POTEE: variants seen among roughly 807,000 people sequenced by gnomAD.
POTEE encodes POTE ankyrin domain family member E.
In POTEE, 21 loss-of-function variants were observed where a neutral mutation model predicts 74.2. That is an observed-to-expected ratio of 0.28 (90% CI 0.20 to 0.41). POTEE has a LOEUF of 0.41. Ranked by LOEUF, POTEE falls within the 10% of genes least tolerant of loss-of-function variation. The pLI, the probability that POTEE is intolerant of heterozygous loss-of-function variation, is 1.00. For synonymous variants in POTEE, 211 were observed against 432.8 expected (o/e 0.49, Z 6.36); for missense variants, 525 against 1,158.6 (o/e 0.45, Z 7.94).
intron 4 of POTEE, among the ~76,000 whole-genome samples, chr2:131,219,759 A>G (rs892710561): frequency 6.6e-6 from 1 of 151,502 alleles, no homozygotes. Flanking sequence ...AAAAGATGGG[A>G]GCTTTTTCTA....
In POTEE at chr2:131,218,803, A is replaced by C. The variant is rs1485625338; in HGVS notation, c.401A>C (p.His134Pro). 6.2e-7 allele frequency: 1 copy of C among 1,612,716 alleles called. No individual in the cohort carries two copies. The highest frequency in any genetic ancestry group is 8.5e-7 in the Non-Finnish European group (1 of 1,179,866). Residue 134 changes from histidine to proline, a missense_variant, in exon 4 of 18, where the codon CAC becomes CCC. Coordinates refer to ENST00000683005, the MANE Select transcript of POTEE (RefSeq NM_001083538.3). ...DDSAFMEPRY[H>P]VRGEDLDKLH... is the part of the protein sequence containing the mutation. ...AGCGCCTTCATGGAGCCCAGGTACCACGTCCGTGGAGAAGATCTGGACAAG... is the reference window on the plus strand; with the variant it reads ...AGCGCCTTCATGGAGCCCAGGTACCCCGTCCGTGGAGAAGATCTGGACAAG...
rs1386149859 is a variant in POTEE, at chr2:131,265,084, T to G, written c.*401T>G. 4.7e-6 allele frequency: 1 copy of G among 214,036 alleles called. No individual in the cohort carries two copies. Among genetic ancestry groups the G allele is most frequent in the Admixed American group, 5.4e-5 (1 of 18,674 alleles). The allele number at this position is 214,036 out of a possible 1,614,324, so 13.3% of individuals were successfully genotyped here. On this transcript the variant is annotated 3_prime_UTR_variant, in exon 18 of 18. Transcript: ENST00000683005. ...TTGTGCAAATTACATAATGCAAAATTTTTTGAATCTTCGCCTTAATACTTT... is the reference window on the plus strand; with the variant it reads ...TTGTGCAAATTACATAATGCAAAATGTTTTGAATCTTCGCCTTAATACTTT...
chr2:131,211,995 C>T (rs545135168), intron 2 of POTEE, among the ~76,000 whole-genome samples: 1 of 152,114 alleles, frequency 6.6e-6, no homozygotes, highest in African/African-American at 2.4e-5. Flanking sequence ...GTATTCTTCT[C>T]ATCTTCTTGT....
At chr2:131,231,048 A>G in intron 9 of POTEE, 142 bp downstream of exon 9, 2 of 664,470 alleles carry the variant, frequency 3.0e-6, no homozygotes, top group Non-Finnish European at 5.2e-6. Context: ...TGTTACATTT[A>G]TTGTGCTACT....
At chr2:131,211,205 C>T (rs1317521927) in intron 2 of POTEE, among the ~76,000 whole-genome samples, 22 bp downstream of exon 2, 1 of 151,892 alleles carries the variant, frequency 6.6e-6, no homozygotes, top group East Asian at 1.9e-4. Flanking sequence ...CCCGCGGGGG[C>T]AAGGTGGTAG....
chr2:131,236,480 T>C (rs889673087), intron 9 of POTEE, among the ~76,000 whole-genome samples: 1 of 152,136 alleles, frequency 6.6e-6, no homozygotes, highest in Admixed American at 6.6e-5. Flanking sequence ...TTCTACTGTA[T>C]TTTAAAGTTG....
At chr2:131,233,186 T>C (rs1483797686) in intron 9 of POTEE, among the ~76,000 whole-genome samples, 1 of 152,106 alleles carries the variant, frequency 6.6e-6, no homozygotes, top group East Asian at 1.9e-4. Flanking sequence ...ATTAAGGCAT[T>C]CTGGTTATGG....
rs370645701 is a variant in POTEE at position 131,263,882 on chromosome 2, C to T, written c.2427C>T (p.Pro809=). 2 of 1,614,202 alleles carry T rather than the reference C, an allele frequency of 1.2e-6. No homozygotes were observed. The highest frequency in any genetic ancestry group is 1.7e-6 in the Non-Finnish European group (2 of 1,180,024). Residue 809 remains proline (P), a synonymous_variant, in exon 18 of 18, where the codon CCC becomes CCT. Coordinates refer to ENST00000683005, the MANE Select transcript of POTEE (RefSeq NM_001083538.3). ...ACCCCATCCTGCTGACCGAGGCCCC[C>T]CTGAACCCCAAGGCCAACCGCGAGA... ...EEHPILLTEA[P]LNPKANREKM...
rs536281355 is a variant in POTEE at position 131,214,192 on chromosome 2, A to G, written c.-189+3009A>G. 6.1e-3 allele frequency among the ~76,000 whole-genome samples: 929 copies of G among 152,312 alleles called. 1 individual carries two copies. The highest frequency in any genetic ancestry group is 0.02 in the African/African-American group (848 of 41,532). The stretch of plus-strand genomic sequence containing the variant: ...TCATGGAACCCCAAGAACTTTAAGC[A>G]GACAGGTCCCTCTCAAAAATCTAAG... On this transcript the variant is annotated intron_variant, in intron 2 of 17. Transcript: ENST00000683005.
At chr2:131,235,850 A>AG (rs1701116855) in intron 9 of POTEE, among the ~76,000 whole-genome samples, 2 of 150,568 alleles carry the variant, frequency 1.3e-5, no homozygotes, top group South Asian at 2.1e-4. Flanking sequence ...AGAATAGTGG[A>AG]GGGAAACATT....
In POTEE at chr2:131,218,760, T is replaced by TGG; in HGVS notation, c.361_362dup (p.Asp122GlufsTer46). On this transcript the variant is annotated frameshift_variant, in exon 4 of 18. Coordinates refer to ENST00000683005, the MANE Select transcript of POTEE (RefSeq NM_001083538.3). LOFTEE classifies it high-confidence loss of function. Reference sequence around the variant, plus strand: ...GAGCGGCAAGAGCAAGGTGGGCGCTTGGGGAGACTACGATGACAGCGCCTT... The same window carrying TGG: ...GAGCGGCAAGAGCAAGGTGGGCGCTTGGGGGGAGACTACGATGACAGCGCCTT... The TGG allele has an allele frequency of 6.2e-7, 1 of 1,612,790 alleles. No homozygotes were observed. Among genetic ancestry groups the TGG allele is most frequent in the South Asian group, 1.1e-5 (1 of 91,000 alleles).
Position 131,236,798 on chromosome 2 carries a change from C to T in POTEE, c.1193C>T (p.Pro398Leu), listed in dbSNP as rs961051206. 1.0e-6 allele frequency: 1 copy of T among 1,004,378 alleles called. No homozygotes were observed. The highest frequency in any genetic ancestry group is 4.7e-5 in the Admixed American group (1 of 21,182). 62.2% of individuals were successfully genotyped at this position (1,004,378 alleles called of 1,614,324 possible). ...TTCAAAGGCAGTGAAAATAGCCAGC[C>T]AGAGGCATGGGAAATTTTAAATTTA... ...QRFKGSENSQ[P>L]EKMSQELEIN... The change falls in exon 10 of 18, where the codon CCA (proline) becomes CTA (leucine). Residue 398 changes from proline to leucine, a missense_variant. Transcript: ENST00000683005.
At chr2:131,262,754 G>T (rs1431142119) in intron 17 of POTEE, among the ~76,000 whole-genome samples, 1 of 152,272 alleles carries the variant, frequency 6.6e-6, no homozygotes, top group African/African-American at 2.4e-5. Context: ...GATGTGTACA[G>T]TGTAGAAGGG....
chr2:131,260,801 C>A, intron 16 of POTEE, among the ~76,000 whole-genome samples: 1 of 64,338 alleles, frequency 1.6e-5, no homozygotes, highest in South Asian at 7.6e-4. Context: ...TTGGGATGCC[C>A]TTTATTTCTC....
At position 131,218,612 on chromosome 2, in the gene POTEE, C is replaced by G. The variant is rs374597817; in HGVS notation, c.210C>G (p.Pro70=). 6.2e-7 allele frequency: 1 copy of G among 1,611,860 alleles called. No homozygotes were observed. Among genetic ancestry groups the G allele is most frequent in the Admixed American group, 1.7e-5 (1 of 59,786 alleles). The stretch of plus-strand genomic sequence containing the variant: ...GCAAGTGGTGCCACCACTGCTTCCC[C>G]TGCTGCAGGGGGAGTGGCAAGAGCA... ...KMGKWCHHCF[P]CCRGSGKSNV... is the part of the protein sequence containing the mutation. The change falls in exon 4 of 18, where the codon CCC becomes CCG. Residue 70 remains proline (P), a synonymous_variant. Coordinates refer to ENST00000683005, the MANE Select transcript of POTEE (RefSeq NM_001083538.3).
rs1223953994 is a variant in POTEE at position 131,218,501 on chromosome 2, C to T, written c.99C>T (p.Pro33=). The T allele has an allele frequency of 6.2e-7, 1 of 1,612,752 alleles. No homozygotes were observed. Among genetic ancestry groups the T allele is most frequent in the East Asian group, 2.2e-5 (1 of 44,830 alleles). Residue 33 remains proline, a synonymous_variant, in exon 4 of 18, where the codon CCC becomes CCT. Transcript: ENST00000683005. The stretch of plus-strand genomic sequence containing the variant: ...GCAAGTGGTGCTGCCGTTGCTTCCC[C>T]TGCTACAGGGAGAGCGGCAAGAGCA... ...KMGKWCCRCF[P]CYRESGKSNV...
intron 6 of POTEE, among the ~76,000 whole-genome samples, chr2:131,225,672 G>A (rs868749976): frequency 6.8e-6 from 1 of 147,520 alleles, no homozygotes; most frequent in East Asian, 2.0e-4. Context: ...AGCTCAGATG[G>A]TCCTCCAACC....
rs1339077020 is a variant in POTEE at position 131,226,921 on chromosome 2, A to C, written c.909A>C (p.Arg303Ser). 1.2e-6 allele frequency: 2 copies of C among 1,611,636 alleles called. No homozygotes were observed. The highest frequency in any genetic ancestry group is 3.3e-5 in the Admixed American group (2 of 60,006). Reference sequence around the variant, plus strand: ...AAGCGAATTTAAATGCACTGGATAGATATGGAAGGTATAGTTCTTTCTTTT... The same window carrying C: ...AAGCGAATTTAAATGCACTGGATAGCTATGGAAGGTATAGTTCTTTCTTTT... ...KKKANLNALD[R>S]YGRTALILAV... Residue 303 changes from arginine (R) to serine (S), a missense_variant, in exon 7 of 18, where the codon AGA becomes AGC. Coordinates refer to ENST00000683005, the MANE Select transcript of POTEE (RefSeq NM_001083538.3).
In POTEE at chr2:131,211,576, A is replaced by G. The variant is rs1398898637; in HGVS notation, c.-189+393A>G. ...TTTTTTTTTTTTTTTTTTTTGAGAC[A>G]GAGTCTCGCTCTTTTGCCCAGGCTG... On this transcript the variant is annotated intron_variant, in intron 2 of 17. Coordinates refer to ENST00000683005, the MANE Select transcript of POTEE (RefSeq NM_001083538.3). Among the ~76,000 whole-genome samples the G allele has an allele frequency of 4.9e-5, 4 of 80,974 alleles. No homozygotes were observed. The East Asian group carries it at 1.0e-3, about 21-fold the overall frequency. The allele number at this position is 80,974 out of a possible 152,430, so 53.1% of individuals were successfully genotyped here. A position where few individuals can be genotyped will look rare whatever the true frequency, so the allele number is the denominator to read the frequency against.
Sources: allele counts gnomAD v4.1 joint callset (sites outside exome capture counted in the v4.1 genomes callset), GRCh38; gene constraint gnomAD v4.1.1; transcripts MANE v1.5; gene names NCBI Gene and HGNC (gene_info 2026-07-23, HGNC 2026-07-21).